CHODL: variants seen among roughly 807,000 people sequenced by gnomAD.
CHODL encodes the protein transmembrane protein MT75.
In CHODL, 29 loss-of-function variants were observed where a neutral mutation model predicts 34.5. The observed-to-expected ratio is 0.84, with a 90% CI of 0.63 to 1.15. The LOEUF (loss-of-function observed/expected upper bound fraction) is 1.15. CHODL is among the 50% of genes most tolerant of loss of function. The pLI is 0.00. For missense variants in CHODL, 332 were observed against 332.5 expected (o/e 1.00, Z 0.01); for synonymous variants, 125 against 116.1 (o/e 1.08, Z -0.49).
rs117463223 is a variant in CHODL, at chr21:18,033,363, G to T, written c.-45+5392G>T. Reference sequence around the variant, plus strand: ...CTGTCTCTGAGTGAATTGGGAAATGGCTGGTTTTGTGCAGAAGTATGACAT... The same window carrying T: ...CTGTCTCTGAGTGAATTGGGAAATGTCTGGTTTTGTGCAGAAGTATGACAT... On this transcript the variant is annotated intron_variant, in intron 2 of 6. Coordinates refer to the CHODL transcript ENST00000400127. Among the ~76,000 whole-genome samples the T allele has an allele frequency of 6.0e-3, 907 of 152,106 alleles. 7 individuals carry two copies. The highest frequency in any genetic ancestry group is 9.9e-3 in the Non-Finnish European group (672 of 67,950).
At chr21:18,075,640 T>C (rs1046954959) in intron 2 of CHODL, among the ~76,000 whole-genome samples, 3 of 152,192 alleles carry the variant, frequency 2.0e-5, no homozygotes, top group African/African-American at 4.8e-5. Flanking sequence ...ATGGTAGCTA[T>C]TTTTATAATG....
At chr21:18,245,977 C>T in intron 1 of CHODL, 1 of 1,519,782 alleles carries the variant, frequency 6.6e-7, no homozygotes, top group Non-Finnish European at 8.8e-7. Flanking sequence ...ACAGTAGGTG[C>T]ACAATTAAGT....
At chr21:18,079,681 GACTTT>G (rs1275344051) in intron 2 of CHODL, among the ~76,000 whole-genome samples, 1 of 150,054 alleles carries the variant, frequency 6.7e-6, no homozygotes, top group Non-Finnish European at 1.5e-5. Flanking sequence ...TTGATTCTGT[GACTTT>G]ACTATTATGA....
rs1456842502 is a variant in CHODL, at chr21:17,973,531, C to T, written c.-144-54341C>T. On this transcript the variant is annotated intron_variant, in intron 1 of 6. Coordinates refer to the CHODL transcript ENST00000400127. The stretch of plus-strand genomic sequence containing the variant: ...TTCCGAGTTCACGCCATTCTCCTGC[C>T]TCAGCCTCCCAAGTAGCTGGGACTA... Among the ~76,000 whole-genome samples, 13 of 151,650 alleles carry T rather than the reference C, an allele frequency of 8.6e-5. No homozygotes were observed. In the East Asian group the frequency reaches 2.5e-3, roughly 29 times the overall value.
At chr21:18,232,344 T>C (rs28436933) in intron 2 of CHODL, among the ~76,000 whole-genome samples, 26,813 of 151,988 alleles carry the variant, frequency 0.18, 2,869 homozygotes, top group African/African-American at 0.3. Flanking sequence ...GGTCACTGAA[T>C]GACAGAAATT....
chr21:18,184,059 TG>T (rs1210947471), intron 2 of CHODL, among the ~76,000 whole-genome samples: 2 of 152,216 alleles, frequency 1.3e-5, no homozygotes, highest in Non-Finnish European at 2.9e-5. Flanking sequence ...TTACATGAAT[TG>T]TGATTTGAAA....
At chr21:17,978,421 C>CAA (rs914459888) in intron 1 of CHODL, among the ~76,000 whole-genome samples, 23 of 73,228 alleles carry the variant, frequency 3.1e-4, no homozygotes, top group African/African-American at 6.4e-4. Context: ...GACTCCGTAT[C>CAA]AAAAAAAAAA....
rs146924561 is a variant in CHODL, at chr21:18,169,434, C to CTT, written c.-44-87066_-44-87065dup. Among the ~76,000 whole-genome samples, 7 of 148,466 alleles carry CTT rather than the reference C, an allele frequency of 4.7e-5. No homozygotes were observed. The South Asian group carries it at 1.1e-3, about 23-fold the overall frequency. On this transcript the variant is annotated intron_variant, in intron 2 of 6. Transcript: ENST00000400127. ...GCTAAAGTTTTGCCATTTTCTTGAT[C>CTT]TTTTTTTTTTATCTTGATCTATTTA... is the stretch of plus-strand genomic sequence containing the variant.
At chr21:17,996,563 A>G (rs1236536049) in intron 1 of CHODL, among the ~76,000 whole-genome samples, 1 of 152,218 alleles carries the variant, frequency 6.6e-6, no homozygotes, top group East Asian at 1.9e-4. Context: ...CTCAGTGGGG[A>G]TGCCAAAAAG....
chr21:18,082,328 A>G (rs2064952486), intron 2 of CHODL, among the ~76,000 whole-genome samples: 1 of 152,168 alleles, frequency 6.6e-6, no homozygotes, highest in Non-Finnish European at 1.5e-5. Context: ...CTGTGAGTCA[A>G]TTAAACCTCC....
At chr21:17,973,584 T>C (rs2063635815) in intron 1 of CHODL, among the ~76,000 whole-genome samples, 1 of 140,336 alleles carries the variant, frequency 7.1e-6, no homozygotes, top group Non-Finnish European at 1.5e-5. Context: ...GCCCAGCTAA[T>C]TTTTTGTATT....
At chr21:18,181,049 ATAT>A (rs1385573970) in intron 2 of CHODL, among the ~76,000 whole-genome samples, 1 of 152,286 alleles carries the variant, frequency 6.6e-6, no homozygotes, top group Admixed American at 6.5e-5. Flanking sequence ...AATGTTACTA[ATAT>A]TATTTAGGCA....
intron 2 of CHODL, among the ~76,000 whole-genome samples, chr21:18,237,282 A>T (rs536830962): frequency 6.6e-6 from 1 of 152,120 alleles, no homozygotes; most frequent in Admixed American, 6.6e-5. Flanking sequence ...CTAGGAATAT[A>T]CATCTGAATT....
chr21:18,220,266 T>C (rs1337836523), intron 2 of CHODL, among the ~76,000 whole-genome samples: 1 of 152,174 alleles, frequency 6.6e-6, no homozygotes, highest in Non-Finnish European at 1.5e-5. Flanking sequence ...TTCAGTCACT[T>C]TTAAGTCCAT....
At chr21:18,052,265 T>C (rs1022661630) in intron 2 of CHODL, among the ~76,000 whole-genome samples, 12 of 152,070 alleles carry the variant, frequency 7.9e-5, no homozygotes, top group African/African-American at 2.6e-4. Context: ...ATTAATTTTA[T>C]AGGGTGCTAT....
At chr21:18,088,931 G>A (rs371063982) in intron 2 of CHODL, among the ~76,000 whole-genome samples, 4 of 152,184 alleles carry the variant, frequency 2.6e-5, no homozygotes, top group South Asian at 2.1e-4. Flanking sequence ...GTAAGGTCTC[G>A]GTTCTCAGTA....
At position 18,225,603 on chromosome 21, in the gene CHODL, G is replaced by C. The variant is rs115348324; in HGVS notation, c.-44-30906G>C. Among the ~76,000 whole-genome samples, 605 of 152,084 alleles carry C rather than the reference G, an allele frequency of 4.0e-3. 3 individuals are homozygous for C. Among genetic ancestry groups the C allele is most frequent in the African/African-American group, 0.014 (568 of 41,510 alleles). On this transcript the variant is annotated intron_variant, in intron 2 of 6. Transcript: ENST00000400127. ...TCCAAAGCATGTTGTGAACTTTTAA[G>C]AAAGACAACATAAAAAACTTTATAT...
At chr21:17,920,678 C>G (rs2063176488) in intron 1 of CHODL, among the ~76,000 whole-genome samples, 1 of 152,162 alleles carries the variant, frequency 6.6e-6, no homozygotes, top group Non-Finnish European at 1.5e-5. Context: ...ATAGCACATG[C>G]TCAATAAATG....
Position 17,919,932 on chromosome 21 carries a change from G to A in CHODL, c.-145+2532G>A, listed in dbSNP as rs147116922. On this transcript the variant is annotated intron_variant, in intron 1 of 6. Transcript: ENST00000400127. ...ATCTCTAGGGCAGGGACAAAATGCT[G>A]CCAGCCTCTTTGCTAAAACATAACA... 8.0e-3 allele frequency among the ~76,000 whole-genome samples: 1,218 copies of A among 152,238 alleles called. 17 individuals are homozygous for A. The highest frequency in any genetic ancestry group is 0.027 in the African/African-American group (1,122 of 41,534).
Sources: allele counts gnomAD v4.1 joint callset (sites outside exome capture counted in the v4.1 genomes callset), GRCh38; gene constraint gnomAD v4.1.1; transcripts MANE v1.5; gene names NCBI Gene and HGNC (gene_info 2026-07-23, HGNC 2026-07-21).